CORIN: variants seen among roughly 807,000 people sequenced by gnomAD.
CORIN encodes the protein atrial natriuretic peptide-converting enzyme.
A neutral mutation model predicts 125.3 loss-of-function variants in CORIN; 117 were observed. The ratio of observed to expected loss-of-function variants is 0.93; its 90% CI spans 0.80 to 1.09. The LOEUF is 1.09. Among genes scored for constraint, CORIN ranks in the 50% least tolerant of loss-of-function variants. The pLI is 0.00. For synonymous variants in CORIN, 450 were observed against 466.4 expected (o/e 0.96, Z 0.45); for missense variants, 1,253 against 1,306.7 (o/e 0.96, Z 0.63).
intron 1 of CORIN, among the ~76,000 whole-genome samples, chr4:47,825,961 C>T (rs899782421): frequency 1.3e-5 from 2 of 152,078 alleles, no homozygotes; most frequent in Admixed American, 6.5e-5. Context: ...CCTCATCCTC[C>T]CAAAGTGCTA....
At chr4:47,645,035 G>A (rs61759692) in intron 14 of CORIN, 46 bp downstream of exon 14, 29,130 of 1,101,792 alleles carry the variant, frequency 0.026, 488 homozygotes, top group Non-Finnish European at 0.033. Context: ...CTTAACTGGT[G>A]TTTAAAATAA....
chr4:47,673,377 G>GA lies in CORIN; in HGVS notation c.1357+1015dup, dbSNP rs749154440. Among the ~76,000 whole-genome samples the GA allele has an allele frequency of 7.4e-3, 846 of 115,078 alleles. 2 individuals carry two copies. Among genetic ancestry groups the GA allele is most frequent in the Non-Finnish European group, 0.01 (541 of 53,520 alleles). 75.5% of individuals were successfully genotyped at this position (115,078 alleles called of 152,430 possible). A position where few individuals can be genotyped will look rare whatever the true frequency, so the allele number is the denominator to read the frequency against. On this transcript the variant is annotated intron_variant, in intron 10 of 21. Coordinates refer to ENST00000273857, the MANE Select transcript of CORIN (RefSeq NM_006587.4). ...GGTGACAGAGCCAGACTCTGTCTCA[G>GA]AAAAAAAAAAAAAAGGAATATCCTC... is the stretch of plus-strand genomic sequence containing the variant.
intron 1 of CORIN, among the ~76,000 whole-genome samples, chr4:47,837,131 G>C (rs1477797045): frequency 6.6e-6 from 1 of 152,252 alleles, no homozygotes; most frequent in Admixed American, 6.5e-5. Context: ...AAATCCTACA[G>C]CGCAGAGCCT....
At chr4:47,688,825 A>G (rs1439701061) in intron 6 of CORIN, among the ~76,000 whole-genome samples, 1 of 152,184 alleles carries the variant, frequency 6.6e-6, no homozygotes, top group Non-Finnish European at 1.5e-5. Context: ...TAAAATTTGC[A>G]AACATTTAGT....
Position 47,657,111 on chromosome 4 carries a change from C to T in CORIN, c.1736-3451G>A, listed in dbSNP as rs2882772. On this transcript the variant is annotated intron_variant, in intron 12 of 21. Transcript: ENST00000273857. ...GGTCTCTGTGATGAAAACCATAAAA[C>T]ACTGATGAAACAAATTAAAGAGGAT... 8.0e-3 allele frequency among the ~76,000 whole-genome samples: 1,222 copies of T among 152,216 alleles called. 26 individuals are homozygous for T. The highest frequency in any genetic ancestry group is 0.028 in the African/African-American group (1,151 of 41,536).
intron 12 of CORIN, among the ~76,000 whole-genome samples, chr4:47,656,152 ATTTT>A (rs199763449): frequency 7.5e-6 from 1 of 133,704 alleles, no homozygotes; most frequent in African/African-American, 2.8e-5. Context: ...ACCATTTAGG[ATTTT>A]TTTTTTTTTT....
At chr4:47,721,903 T>C (rs1727365418) in intron 5 of CORIN, among the ~76,000 whole-genome samples, 1 of 152,234 alleles carries the variant, frequency 6.6e-6, no homozygotes. Context: ...TTTTATTCTG[T>C]TACTACCTTA....
At chr4:47,762,895 C>T (rs1326408513) in intron 4 of CORIN, among the ~76,000 whole-genome samples, 2 of 152,134 alleles carry the variant, frequency 1.3e-5, no homozygotes, top group Middle Eastern at 3.2e-3. Flanking sequence ...GTCATAGCAC[C>T]TGGCCTGTCC....
rs1471576945 is a variant in CORIN, at chr4:47,837,653, G to A, written c.63+234C>T. 2.1e-5 allele frequency: 13 copies of A among 630,934 alleles called. No individual in the cohort carries two copies. The East Asian group carries it at 3.6e-4, about 17-fold the overall frequency. The allele number at this position is 630,934 out of a possible 1,614,324, so 39.1% of individuals were successfully genotyped here. A position where few individuals can be genotyped will look rare whatever the true frequency, so the allele number is the denominator to read the frequency against. The stretch of plus-strand genomic sequence containing the variant: ...GGAAACCCTGCCCATGACCCTGGGA[G>A]GGTCTCGGACGCCGGGCGACCGGGG... On this transcript the variant is annotated intron_variant, in intron 1 of 21. Coordinates refer to ENST00000273857, the MANE Select transcript of CORIN (RefSeq NM_006587.4).
intron 1 of CORIN, among the ~76,000 whole-genome samples, chr4:47,828,265 G>A (rs1261630974): frequency 6.6e-6 from 1 of 152,080 alleles, no homozygotes; most frequent in Admixed American, 6.5e-5. Flanking sequence ...TTGTTCTAAC[G>A]AGGTGATTCT....
intron 5 of CORIN, among the ~76,000 whole-genome samples, chr4:47,739,125 G>A (rs1728265848): frequency 6.6e-6 from 1 of 151,888 alleles, no homozygotes; most frequent in South Asian, 2.1e-4. Flanking sequence ...AAAAGAATGA[G>A]TCAGAAAGAA....
At chr4:47,710,650 T>TCTACCATAC (rs1726798723) in intron 5 of CORIN, among the ~76,000 whole-genome samples, 1 of 152,212 alleles carries the variant, frequency 6.6e-6, no homozygotes, top group Non-Finnish European at 1.5e-5. Flanking sequence ...ACCTGCTGCT[T>TCTACCATAC]CTGCTGTTGC....
rs1160198778 is a variant in CORIN at position 47,692,988 on chromosome 4, T to A, written c.895A>T (p.Ser299Cys). The change falls in exon 6 of 22, where the codon AGT (serine) becomes TGT (cysteine). Residue 299 changes from serine (S) to cysteine (C), a missense_variant. Ser to Cys is a moderately radical substitution (Grantham distance 112). Transcript: ENST00000273857. The part of the protein sequence containing the change: ...CNGYNDCDDW[S>C]DEAHCNCSEN... Reference sequence around the variant, plus strand: ...CACATACTGCAATGAGCCTCGTCACTCCAGTCGTCACAGTCGTTGTAGCCA... The same window carrying A: ...CACATACTGCAATGAGCCTCGTCACACCAGTCGTCACAGTCGTTGTAGCCA... 3 of 1,613,388 alleles carry A rather than the reference T, an allele frequency of 1.9e-6. No homozygotes were observed. Among genetic ancestry groups the A allele is most frequent in the Admixed American group, 3.3e-5 (2 of 59,968 alleles).
At chr4:47,767,397 G>T (rs567867028) in intron 3 of CORIN, among the ~76,000 whole-genome samples, 2 of 151,850 alleles carry the variant, frequency 1.3e-5, no homozygotes, top group African/African-American at 4.8e-5. Flanking sequence ...TATCTCTAAA[G>T]AAATTACACA....
chr4:47,811,576 A>C (rs531841210), intron 1 of CORIN, among the ~76,000 whole-genome samples: 1 of 152,328 alleles, frequency 6.6e-6, no homozygotes, highest in South Asian at 2.1e-4. Flanking sequence ...ACCAAAGGTG[A>C]GTCCTCATCT....
intron 2 of CORIN, among the ~76,000 whole-genome samples, chr4:47,792,519 T>A (rs1199831408): frequency 1.3e-5 from 2 of 152,186 alleles, no homozygotes; most frequent in African/African-American, 4.8e-5. Flanking sequence ...TGCAAAATCA[T>A]ATGAACATGA....
At chr4:47,600,466 G>T in intron 20 of CORIN, 119 bp from the exon 21 acceptor site, 1 of 658,206 alleles carries the variant, frequency 1.5e-6, no homozygotes, top group Non-Finnish European at 2.3e-6. Flanking sequence ...ACCAAGAGAG[G>T]CATATTCTTT....
At chr4:47,654,921 T>G (rs959227495) in intron 12 of CORIN, among the ~76,000 whole-genome samples, 1 of 151,750 alleles carries the variant, frequency 6.6e-6, no homozygotes, top group Non-Finnish European at 1.5e-5. Context: ...TTCTTCTGCT[T>G]GAGGACAGGA....
At position 47,613,350 on chromosome 4, in the gene CORIN, G is replaced by A. The variant is rs373782827; in HGVS notation, c.2541-9682C>T. Among the ~76,000 whole-genome samples, 25 of 152,300 alleles carry A rather than the reference G, an allele frequency of 1.6e-4. No homozygotes were observed. The East Asian group carries it at 4.6e-3, about 28-fold the overall frequency. On this transcript the variant is annotated intron_variant, in intron 19 of 21. Transcript: ENST00000273857. ...TGCCTGTAGTCCCAGCTACTTGGGA[G>A]GCTGAGGCAGGAGAATCACTTGAAC...
Sources: allele counts gnomAD v4.1 joint callset (sites outside exome capture counted in the v4.1 genomes callset), GRCh38; gene constraint gnomAD v4.1.1; transcripts MANE v1.5; gene names NCBI Gene and HGNC (gene_info 2026-07-23, HGNC 2026-07-21).